Variants in SIAH3 observed in about 807,000 individuals in gnomAD.
SIAH3 encodes the protein seven in absentia homolog 3.
SIAH3 carries 9 observed loss-of-function variants against 12.6 expected under a neutral mutation model. That is an observed-to-expected ratio of 0.72 (90% CI 0.43 to 1.25). SIAH3 has a LOEUF of 1.25. Among genes scored for constraint, SIAH3 ranks in the 50% most tolerant of loss-of-function variants. SIAH3 has a pLI of 0.00. For missense variants in SIAH3, 390 were observed against 365.4 expected (o/e 1.07, Z -0.55); for synonymous variants, 154 against 151.1 (o/e 1.02, Z -0.14).
chr13:45,815,751 T>C (rs372663934), intron 1 of SIAH3, among the ~76,000 whole-genome samples: 7 of 152,228 alleles, frequency 4.6e-5, no homozygotes, highest in South Asian at 4.2e-4. Flanking sequence ...GGTAGGAAAA[T>C]GCGAAACAAA....
intron 1 of SIAH3, among the ~76,000 whole-genome samples, chr13:45,817,601 T>C (rs1414935388): frequency 2.0e-5 from 3 of 151,434 alleles, no homozygotes; most frequent in Non-Finnish European, 2.9e-5. Context: ...AAGAGTGACC[T>C]ACAGAAGAGA....
At chr13:45,811,424 A>G (rs1257005243) in intron 1 of SIAH3, among the ~76,000 whole-genome samples, 1 of 152,210 alleles carries the variant, frequency 6.6e-6, no homozygotes, top group African/African-American at 2.4e-5. Context: ...ACGTTTTGAA[A>G]GGGTACTTTT....
intron 1 of SIAH3, among the ~76,000 whole-genome samples, chr13:45,785,852 G>A (rs1950526311): frequency 6.6e-6 from 1 of 152,160 alleles, no homozygotes; most frequent in Non-Finnish European, 1.5e-5. Context: ...TGAACAGTGT[G>A]TCTTCAGCTA....
At chr13:45,819,762 G>A (rs1470719585) in intron 1 of SIAH3, among the ~76,000 whole-genome samples, 1 of 152,160 alleles carries the variant, frequency 6.6e-6, no homozygotes, top group Non-Finnish European at 1.5e-5. Context: ...ATCACTTCGG[G>A]GACCTAGTCT....
chr13:45,779,822 C>A lies in SIAH3; in HGVS notation c.*3561G>T, dbSNP rs1184877135. ...CCTAAAATGTCCAGAGTAGCCACAG[C>A]TAGTGATGGGGTTTACCAGGTACAG... On this transcript the variant is annotated 3_prime_UTR_variant, in exon 2 of 2. Coordinates refer to ENST00000400405, the MANE Select transcript of SIAH3 (RefSeq NM_198849.3). 2 of 152,174 alleles carry A rather than the reference C, an allele frequency of 1.3e-5. No individual in the cohort carries two copies. The highest frequency in any genetic ancestry group is 4.8e-5 in the African/African-American group (2 of 41,424). The allele number at this position is 152,174 out of a possible 1,614,324, so 9.4% of individuals were successfully genotyped here. A position where few individuals can be genotyped will look rare whatever the true frequency, so the allele number is the denominator to read the frequency against.
intron 1 of SIAH3, among the ~76,000 whole-genome samples, chr13:45,845,318 C>T (rs1280850737): frequency 3.3e-5 from 5 of 151,750 alleles, no homozygotes; most frequent in Non-Finnish European, 5.9e-5. Context: ...CCTTTCTGTA[C>T]ATCTGCATTT....
At chr13:45,812,728 T>C (rs981700582) in intron 1 of SIAH3, among the ~76,000 whole-genome samples, 7 of 152,138 alleles carry the variant, frequency 4.6e-5, no homozygotes, top group Non-Finnish European at 8.8e-5. Flanking sequence ...GTAAGGAAGC[T>C]TTCACTGAGT....
At chr13:45,814,201 T>C (rs923412423) in intron 1 of SIAH3, among the ~76,000 whole-genome samples, 3 of 124,204 alleles carry the variant, frequency 2.4e-5, no homozygotes, top group African/African-American at 6.4e-5. Context: ...ATGGCACCAC[T>C]ACACTCTAGC....
At chr13:45,812,818 G>C (rs543611167) in intron 1 of SIAH3, among the ~76,000 whole-genome samples, 2 of 152,206 alleles carry the variant, frequency 1.3e-5, no homozygotes, top group East Asian at 1.9e-4. Context: ...GACATAAAAG[G>C]CTTTGCAGAT....
At chr13:45,804,514 G>A (rs925863007) in intron 1 of SIAH3, among the ~76,000 whole-genome samples, 6 of 152,098 alleles carry the variant, frequency 3.9e-5, no homozygotes, top group South Asian at 2.1e-4. Flanking sequence ...GTGCAACTCC[G>A]TGAATATACT....
chr13:45,850,259 G>A (rs1455948510), intron 1 of SIAH3, among the ~76,000 whole-genome samples: 1 of 152,146 alleles, frequency 6.6e-6, no homozygotes, highest in African/African-American at 2.4e-5. Context: ...GTCTTTCGGC[G>A]GAACTTCTAG....
At position 45,826,172 on chromosome 13, in the gene SIAH3, T is replaced by G. The variant is rs561999741; in HGVS notation, c.135+25323A>C. Among the ~76,000 whole-genome samples, 236 of 152,346 alleles carry G rather than the reference T, an allele frequency of 1.5e-3. 3 individuals carry two copies. The highest frequency in any genetic ancestry group is 5.8e-3 in the Admixed American group (89 of 15,298). The stretch of plus-strand genomic sequence containing the variant: ...TAATTCTCTGCAAAGCATTTAACAT[T>G]ACCTGATATATTTATTTACTTATTA... On this transcript the variant is annotated intron_variant, in intron 1 of 1. Coordinates refer to ENST00000400405, the MANE Select transcript of SIAH3 (RefSeq NM_198849.3).
intron 1 of SIAH3, among the ~76,000 whole-genome samples, chr13:45,784,514 A>C (rs927950130): frequency 1.3e-4 from 19 of 151,572 alleles, no homozygotes; most frequent in Admixed American, 1.1e-3. Context: ...TTTAGAACAA[A>C]ATTTACATAA....
intron 1 of SIAH3, among the ~76,000 whole-genome samples, chr13:45,822,849 T>A (rs1950661154): frequency 1.3e-5 from 2 of 152,004 alleles, no homozygotes; most frequent in Admixed American, 6.6e-5. Context: ...GCCTGCCCCA[T>A]GGCCTCCTCC....
intron 1 of SIAH3, among the ~76,000 whole-genome samples, chr13:45,823,193 A>T (rs9562620): frequency 0.21 from 32,366 of 152,084 alleles, 4,082 homozygotes; most frequent in East Asian, 0.61. Flanking sequence ...TTAACTGTAA[A>T]GGCACAATCT....
At position 45,778,654 on chromosome 13, in the gene SIAH3, T is replaced by C. The variant is rs1290368520; in HGVS notation, c.*4729A>G. 2 of 152,094 alleles carry C rather than the reference T, an allele frequency of 1.3e-5. No individual in the cohort carries two copies. Among genetic ancestry groups the C allele is most frequent in the Non-Finnish European group, 2.9e-5 (2 of 68,020 alleles). The allele number at this position is 152,094 out of a possible 1,614,324, so 9.4% of individuals were successfully genotyped here. A position where few individuals can be genotyped will look rare whatever the true frequency, so the allele number is the denominator to read the frequency against. On this transcript the variant is annotated 3_prime_UTR_variant, in exon 2 of 2. Transcript: ENST00000400405. ...CCCACCCTGCTGTGCTCATCAGCAA[T>C]GTCTAGGCAGTGGTATTAAGTCAAC... is the stretch of plus-strand genomic sequence containing the variant.
chr13:45,846,239 G>A lies in SIAH3; in HGVS notation c.135+5256C>T, dbSNP rs370659092. Among the ~76,000 whole-genome samples the A allele has an allele frequency of 3.5e-4, 53 of 151,842 alleles. No homozygotes were observed. The South Asian group carries it at 5.4e-3, about 16-fold the overall frequency. The stretch of plus-strand genomic sequence containing the variant: ...TGAGTAGCTGGGACTACAGGTGCCC[G>A]CCACCATGCCCAGCTAATTTTCGTA... On this transcript the variant is annotated intron_variant, in intron 1 of 1. Transcript: ENST00000400405.
At chr13:45,808,349 C>T (rs2896915) in intron 1 of SIAH3, among the ~76,000 whole-genome samples, 130,842 of 152,214 alleles carry the variant, frequency 0.86, 56,470 homozygotes, top group East Asian at 0.99. Flanking sequence ...AAATAGTTCA[C>T]GTCACTGAGC....
intron 1 of SIAH3, among the ~76,000 whole-genome samples, chr13:45,817,356 TA>T (rs1157649880): frequency 2.0e-5 from 3 of 152,364 alleles, no homozygotes; most frequent in Admixed American, 2.0e-4. Flanking sequence ...TGGAGGAGGC[TA>T]GATTATCTAG....
Sources: gnomAD v4.1 joint callset for allele counts (sites outside exome capture counted in the v4.1 genomes callset) on GRCh38, gnomAD v4.1.1 for gene constraint, MANE v1.5 for transcripts, NCBI Gene and HGNC (gene_info 2026-07-23, HGNC 2026-07-21) for gene names.